The following RNF128 variants were observed in gnomAD, a reference collection of about 807,000 sequenced individuals.
The protein encoded by RNF128 is E3 ubiquitin-protein ligase RNF128.
In RNF128, 13 loss-of-function variants were observed where a neutral mutation model predicts 26.2. That is an observed-to-expected ratio of 0.50 (90% CI 0.32 to 0.79). The LOEUF (loss-of-function observed/expected upper bound fraction) is 0.79, where lower values mean the gene tolerates loss of function less well. Ranked by LOEUF, RNF128 falls within the 30% of genes least tolerant of loss-of-function variation. The pLI, the probability that RNF128 is intolerant of heterozygous loss-of-function variation, is 0.03. For synonymous variants in RNF128, 149 were observed against 142.5 expected (o/e 1.05, Z -0.32); for missense variants, 315 against 349.7 (o/e 0.90, Z 0.79).
chrX:106,790,079 G>T (rs1015267367), intron 4 of RNF128, 107 bp from the exon 5 acceptor site: 4 of 428,031 alleles, frequency 9.3e-6, no homozygotes, highest in Non-Finnish European at 1.6e-5. Flanking sequence ...AAAAGGAAAG[G>T]CATCCATTCA....
intron 1 of RNF128, among the ~76,000 whole-genome samples, chrX:106,755,692 GA>G (rs1929993613): frequency 9.0e-6 from 1 of 111,553 alleles, no homozygotes; most frequent in South Asian, 3.7e-4. Context: ...AAAATCATTT[GA>G]TAAAGTTCAA....
chrX:106,697,408 A>G (rs1232786418), intron 1 of RNF128, among the ~76,000 whole-genome samples: 1 of 111,428 alleles, frequency 9.0e-6, no homozygotes, highest in Non-Finnish European at 1.9e-5. Context: ...ATGTTCTGTG[A>G]GATGGTTTAT....
chrX:106,759,055 C>G (rs188169951), intron 1 of RNF128, among the ~76,000 whole-genome samples: 5 of 111,701 alleles, frequency 4.5e-5, no homozygotes, highest in Admixed American at 1.9e-4. Flanking sequence ...GATTAATAAC[C>G]AGAATACTTA....
rs1930899237 is a variant in RNF128 at position 106,795,520 on chromosome X, AT to A, written c.1154-56del. 3.7e-6 allele frequency: 4 copies of A among 1,081,614 alleles called. No individual in the cohort carries two copies. In the East Asian group the frequency reaches 1.2e-4, roughly 33 times the overall value. The allele number at this position is 1,081,614 out of a possible 1,213,427, so 89.1% of individuals were successfully genotyped here. On this transcript the variant is annotated intron_variant, in intron 6 of 6. Transcript: ENST00000255499. ...AAGACTTCTTGGAAGTAAATGTTGA[AT>A]TTTGTCTTAAAAGAGGAGAGGGGCA...
intron 1 of RNF128, among the ~76,000 whole-genome samples, chrX:106,701,598 G>C (rs573318081): frequency 1.8e-5 from 2 of 111,183 alleles, no homozygotes; most frequent in South Asian, 7.6e-4. Context: ...GAAACAATAG[G>C]TAAAAGGGAC....
intron 1 of RNF128, among the ~76,000 whole-genome samples, chrX:106,764,057 G>T (rs1054156240): frequency 1.8e-4 from 19 of 108,420 alleles, no homozygotes; most frequent in African/African-American, 6.4e-4. Flanking sequence ...CCACCTCCCG[G>T]GTTCACGCCA....
chrX:106,719,293 C>T (rs1273610158), intron 1 of RNF128, among the ~76,000 whole-genome samples: 1 of 110,152 alleles, frequency 9.1e-6, no homozygotes, highest in Non-Finnish European at 1.9e-5. Flanking sequence ...GATCTCAACT[C>T]ACTTCAACCT....
intron 1 of RNF128, among the ~76,000 whole-genome samples, chrX:106,756,436 A>G (rs1295584821): frequency 9.1e-6 from 1 of 109,636 alleles, no homozygotes; most frequent in Non-Finnish European, 1.9e-5. Flanking sequence ...AATGCTGCAT[A>G]CCTACAACTA....
At chrX:106,754,700 G>C (rs1929969890) in intron 1 of RNF128, among the ~76,000 whole-genome samples, 1 of 110,375 alleles carries the variant, frequency 9.1e-6, no homozygotes, top group African/African-American at 3.3e-5. Flanking sequence ...GTGGGTTAAT[G>C]TAGAAATTAA....
chrX:106,767,921 T>C (rs1361865002), intron 1 of RNF128, among the ~76,000 whole-genome samples: 2 of 112,056 alleles, frequency 1.8e-5, no homozygotes, highest in Non-Finnish European at 3.8e-5. Context: ...GTTTTTAGCA[T>C]GAAGCGCTGT....
intron 5 of RNF128, 67 bp from the exon 6 acceptor site, chrX:106,790,999 T>A: frequency 9.9e-7 from 1 of 1,012,119 alleles, no homozygotes; most frequent in Non-Finnish European, 1.4e-6. Flanking sequence ...AAAGAAACTT[T>A]GAAGTGATAT....
At position 106,702,174 on chromosome X, in the gene RNF128, A is replaced by T. The variant is rs73247953; in HGVS notation, c.406+7766A>T. ...GTTTATAAGGAAATCAAGATATAGT[A>T]CCTCTGGGCACCAGTTTCCGGATAA... On this transcript the variant is annotated intron_variant, in intron 1 of 6. Transcript: ENST00000324342. Among the ~76,000 whole-genome samples, 984 of 111,018 alleles carry T rather than the reference A, an allele frequency of 8.9e-3. 6 individuals are homozygous for T. Among genetic ancestry groups the T allele is most frequent in the Non-Finnish European group, 0.012 (654 of 52,931 alleles).
At chrX:106,780,553 G>A (rs1212916970) in intron 2 of RNF128, among the ~76,000 whole-genome samples, 1 of 112,049 alleles carries the variant, frequency 8.9e-6, no homozygotes, top group Non-Finnish European at 1.9e-5. Context: ...GAGAGGAGGA[G>A]GGGAAAGGCA....
upstream of RNF128, among the ~76,000 whole-genome samples, chrX:106,726,405 T>C (rs921627490): frequency 3.6e-5 from 4 of 111,655 alleles, no homozygotes; most frequent in Non-Finnish European, 5.6e-5. Flanking sequence ...AAGCCCGAAA[T>C]GTCCTTTAGG....
chrX:106,737,511 T>C (rs1050552383), intron 1 of RNF128, among the ~76,000 whole-genome samples: 4 of 111,905 alleles, frequency 3.6e-5, no homozygotes, highest in Non-Finnish European at 7.5e-5. Context: ...ACAATGTAAA[T>C]GCTATGTAAA....
rs769149771 is a variant in RNF128 at position 106,791,108 on chromosome X, T to G, written c.1027T>G (p.Ser343Ala). 1.2e-5 allele frequency: 14 copies of G among 1,207,637 alleles called. No individual in the cohort carries two copies. Among genetic ancestry groups the G allele is most frequent in the Non-Finnish European group, 1.6e-5 (14 of 892,500 alleles). Reference sequence around the variant, plus strand: ...ATCAGTGTCTTTACAAGTCCCTGTATCCAATGAAATATCTAATAGTGCCTC... The same window carrying G: ...ATCAGTGTCTTTACAAGTCCCTGTAGCCAATGAAATATCTAATAGTGCCTC... Reference protein sequence around the residue: ...DGSVSLQVPVSNEISNSASSH... With the variant: ...DGSVSLQVPVANEISNSASSH... Residue 343 changes from serine (S) to alanine (A), a missense_variant, in exon 6 of 7, where the codon TCC becomes GCC. Coordinates refer to ENST00000255499, the MANE Select transcript of RNF128 (RefSeq NM_194463.2).
At chrX:106,743,339 T>G (rs1361063734) in intron 1 of RNF128, among the ~76,000 whole-genome samples, 1 of 112,351 alleles carries the variant, frequency 8.9e-6, no homozygotes, top group Non-Finnish European at 1.9e-5. Flanking sequence ...AACAACTGAC[T>G]TTTTTGTTAT....
At chrX:106,768,526 A>G (rs1454983184) in intron 1 of RNF128, among the ~76,000 whole-genome samples, 11 of 111,606 alleles carry the variant, frequency 9.9e-5, no homozygotes, top group Non-Finnish European at 2.1e-4. Flanking sequence ...GTATTCTCTG[A>G]TGGTAGTTTG....
At chrX:106,792,235 T>A (rs1052695581) in intron 6 of RNF128, among the ~76,000 whole-genome samples, 2 of 110,468 alleles carry the variant, frequency 1.8e-5, no homozygotes. Flanking sequence ...CCCCAGATGA[T>A]CTTGTACTCT....
Sources: gnomAD v4.1 joint callset for allele counts (sites outside exome capture counted in the v4.1 genomes callset) on GRCh38, gnomAD v4.1.1 for gene constraint, MANE v1.5 for transcripts, NCBI Gene and HGNC (gene_info 2026-07-23, HGNC 2026-07-21) for gene names.